The following RAPGEF3 variants were observed in gnomAD, a reference collection of about 807,000 sequenced individuals.
RAPGEF3 encodes 9330170P05Rik.
RAPGEF3 carries 103 observed loss-of-function variants against 129.8 expected under a neutral mutation model. The observed-to-expected ratio is 0.79, with a 90% CI of 0.68 to 0.93. The LOEUF (loss-of-function observed/expected upper bound fraction) is 0.93, where lower values mean the gene tolerates loss of function less well. Ranked by LOEUF, RAPGEF3 falls within the 40% of genes least tolerant of loss-of-function variation. RAPGEF3 has a pLI of 0.00. For missense variants in RAPGEF3, 1,117 were observed against 1,207.4 expected, an observed-to-expected ratio of 0.93 and a Z score of 1.11; for synonymous variants, 436 against 482.6, an observed-to-expected ratio of 0.90 and a Z score of 1.26.
intron 21 of RAPGEF3, 68 bp from the exon 22 acceptor site, chr12:47,740,463 ACAGC>A (rs1180471169): frequency 6.5e-7 from 1 of 1,540,782 alleles, no homozygotes; most frequent in Non-Finnish European, 8.9e-7. Context: ...CCCCCAGACA[ACAGC>A]CAGGCCAGCC....
rs772059743 is a variant in RAPGEF3, at chr12:47,740,336, G to C, written c.2291C>G (p.Ser764Trp). 1.2e-6 allele frequency: 2 copies of C among 1,614,116 alleles called. No individual in the cohort carries two copies. Among genetic ancestry groups the C allele is most frequent in the South Asian group, 1.1e-5 (1 of 91,080 alleles). Residue 764 changes from serine to tryptophan, a missense_variant, in exon 22 of 28, where the codon TCG becomes TGG. This residue lies in a region of RAPGEF3 where 643 missense variants were observed against 673.4 expected (regional missense o/e 0.95). Transcript: ENST00000449771. ...FFAVMFGLSN[S>W]AISRLAHTWE... Reference sequence around the variant, plus strand: ...GGTGTGGGCTAGGCGGCTGATGGCCGAGTTGCTGAGGCCAAACATGACGGC... The same window carrying C: ...GGTGTGGGCTAGGCGGCTGATGGCCCAGTTGCTGAGGCCAAACATGACGGC...
intron 23 of RAPGEF3, chr12:47,739,838 G>T: frequency 2.0e-6 from 1 of 498,746 alleles, no homozygotes; most frequent in Non-Finnish European, 3.6e-6. Flanking sequence ...TGGCACCTCA[G>T]ACCCCAGGAC....
At chr12:47,756,358 G>A (rs914494984) in intron 2 of RAPGEF3, 2 of 152,270 alleles carry the variant, frequency 1.3e-5, no homozygotes, top group African/African-American at 2.4e-5. Context: ...TAGCCCAAGA[G>A]GGAAGGAGGG....
Position 47,750,859 on chromosome 12 carries a change from T to G in RAPGEF3, c.671+189A>C, listed in dbSNP as rs566704107. 5.3e-5 allele frequency among the ~76,000 whole-genome samples: 8 copies of G among 149,774 alleles called. No individual in the cohort carries two copies. In the East Asian group the frequency reaches 5.9e-4, roughly 11 times the overall value. On this transcript the variant is annotated intron_variant, in intron 6 of 27. Transcript: ENST00000449771. ...AGAGGAAGAAACTGACTTGGGGGGG[T>G]TTGGGAGTGTGGAGGGATCCAGGTC...
Position 47,746,590 on chromosome 12 carries a change from G to C in RAPGEF3, c.1596+270C>G, listed in dbSNP as rs1941429646. The C allele has an allele frequency of 7.2e-6, 5 of 697,648 alleles. No homozygotes were observed. In the South Asian group the frequency reaches 7.8e-5, roughly 11 times the overall value. 43.2% of individuals were successfully genotyped at this position (697,648 alleles called of 1,614,324 possible). The stretch of plus-strand genomic sequence containing the variant: ...CTCATCTCCCAGGCTCTACCTGTGG[G>C]CATGAATTACCTCCCAAAAGGAATA... On this transcript the variant is annotated intron_variant, in intron 16 of 27. Coordinates refer to ENST00000449771, the MANE Select transcript of RAPGEF3 (RefSeq NM_001098531.4).
At chr12:47,739,874 T>A (rs1941038162) in intron 23 of RAPGEF3, 1 of 557,660 alleles carries the variant, frequency 1.8e-6, no homozygotes, top group Non-Finnish European at 3.2e-6. Context: ...TCCAGCCCAG[T>A]CTTCACACAG....
chr12:47,739,433 A>T lies in RAPGEF3; in HGVS notation c.2374-203T>A, dbSNP rs768857697. 9.7e-5 allele frequency: 68 copies of T among 701,114 alleles called. No individual in the cohort carries two copies. In the African/African-American group the frequency reaches 1.2e-3, roughly 12 times the overall value. 43.4% of individuals were successfully genotyped at this position (701,114 alleles called of 1,614,324 possible). On this transcript the variant is annotated intron_variant, in intron 23 of 27. Transcript: ENST00000449771. ...TCCCATTAGCACTGAGAAAATTCAC[A>T]GCAGTTAGTCACAGGGGCCCCAGGT... is the stretch of plus-strand genomic sequence containing the variant.
intron 4 of RAPGEF3, 61 bp from the exon 5 acceptor site, chr12:47,751,581 A>G: frequency 6.2e-7 from 1 of 1,608,664 alleles, no homozygotes; most frequent in South Asian, 1.1e-5. Context: ...GGGAGGAACT[A>G]TGCATTAGAA....
At chr12:47,739,700 A>G (rs1034616549) in intron 23 of RAPGEF3, 2 of 360,356 alleles carry the variant, frequency 5.6e-6, no homozygotes, top group South Asian at 5.2e-5. Context: ...TCCACCCCCA[A>G]CTCTATCCTC....
At chr12:47,740,495 T>C in intron 21 of RAPGEF3, 100 bp from the exon 22 acceptor site, 2 of 1,489,432 alleles carry the variant, frequency 1.3e-6, no homozygotes, top group Non-Finnish European at 1.9e-6. Context: ...AGATCCAAGC[T>C]GGATGGGGTG....
chr12:47,746,901 T>A lies in RAPGEF3; in HGVS notation c.1557-2A>T, dbSNP rs1481335801. 1 of 1,603,496 alleles carries A rather than the reference T, an allele frequency of 6.2e-7. No individual in the cohort carries two copies. The highest frequency in any genetic ancestry group is 8.5e-7 in the Non-Finnish European group (1 of 1,176,664). On this transcript the variant is annotated splice_acceptor_variant, in intron 15 of 27. Transcript: ENST00000449771. LOFTEE classifies it high-confidence loss of function. The stretch of plus-strand genomic sequence containing the variant: ...GCATTCCCACAGCCATTCTCCAACC[T>A]GCAGACAAGAGAGAAGGGAGGTGAG...
intron 12 of RAPGEF3, 109 bp downstream of exon 12, chr12:47,748,322 GGACTTATTGCCAACTTCTGTACA>G: frequency 1.0e-6 from 1 of 982,910 alleles, no homozygotes; most frequent in South Asian, 1.5e-5. Context: ...ACAGGTAAGA[GGACTTATTGCCAACTTCTGTACA>G]GACCAATCCA....
chr12:47,743,804 G>A, intron 17 of RAPGEF3, 128 bp from the exon 18 acceptor site: 1 of 1,396,474 alleles, frequency 7.2e-7, no homozygotes, highest in South Asian at 1.3e-5. Context: ...GGGAGGCCCT[G>A]AGCAAAAAAG....
At chr12:47,744,229 G>T in intron 16 of RAPGEF3, 161 bp from the exon 17 acceptor site, 1 of 630,286 alleles carries the variant, frequency 1.6e-6, no homozygotes, top group South Asian at 2.0e-5. Context: ...CTCAGGTAAG[G>T]CACCTGGGAC....
chr12:47,758,288 C>T (rs1942223764), intron 1 of RAPGEF3: 5 of 1,430,734 alleles, frequency 3.5e-6, no homozygotes, highest in Middle Eastern at 2.5e-4. Flanking sequence ...CCAGCTGGCT[C>T]TTGGAAAAGA....
intron 18 of RAPGEF3, 27 bp from the exon 19 acceptor site, chr12:47,741,629 G>A (rs779286807): frequency 2.5e-6 from 4 of 1,582,630 alleles, no homozygotes; most frequent in Non-Finnish European, 2.6e-6. Context: ...GGCGGACTGG[G>A]TGGGGGAAGG....
intron 19 of RAPGEF3, 27 bp from the exon 20 acceptor site, chr12:47,741,067 C>G: frequency 6.2e-7 from 1 of 1,608,400 alleles, no homozygotes; most frequent in Non-Finnish European, 8.5e-7. Context: ...GCTCAGGGGG[C>G]TGCCTGAGGA....
rs369117866 is a variant in RAPGEF3 at position 47,748,139 on chromosome 12, G to A, written c.1257C>T (p.Ser419=). ...AGACCCTGTGGGTCAGGAGGAAGTCGCTGAGGAATGTCTCTGTATGACAGG... is the reference window on the plus strand; with the variant it reads ...AGACCCTGTGGGTCAGGAGGAAGTCACTGAGGAATGTCTCTGTATGACAGG... The part of the protein sequence containing the change: ...SAHDPTETFL[S]DFLLTHRVFM... The change falls in exon 13 of 28, where the codon AGC becomes AGT. Residue 419 remains serine (S), a synonymous_variant. Transcript: ENST00000449771. 4.1e-5 allele frequency: 65 copies of A among 1,582,278 alleles called. No homozygotes were observed. The highest frequency in any genetic ancestry group is 9.0e-5 in the Admixed American group (5 of 55,398).
At position 47,750,917 on chromosome 12, in the gene RAPGEF3, G is replaced by A. The variant is rs1014228018; in HGVS notation, c.671+131C>T. ...GAGTCCGTGGCAGTCAGCGCCAGGG[G>A]CTTCTGGGCCAGCCAGGTTCCCTTC... On this transcript the variant is annotated intron_variant, in intron 6 of 27. Coordinates refer to ENST00000449771, the MANE Select transcript of RAPGEF3 (RefSeq NM_001098531.4). The A allele has an allele frequency of 2.3e-6, 3 of 1,324,508 alleles. No individual in the cohort carries two copies. In the African/African-American group the frequency reaches 4.5e-5, roughly 20 times the overall value. The allele number at this position is 1,324,508 out of a possible 1,614,324, so 82.0% of individuals were successfully genotyped here. A position where few individuals can be genotyped will look rare whatever the true frequency, so the allele number is the denominator to read the frequency against.
Sources: gnomAD v4.1 joint callset for allele counts (sites outside exome capture counted in the v4.1 genomes callset) on GRCh38, gnomAD v4.1.1 for gene constraint, gnomAD v4.1.1 regional missense constraint, MANE v1.5 for transcripts, NCBI Gene and HGNC (gene_info 2026-07-23, HGNC 2026-07-21) for gene names.